ROR1: variants seen among roughly 807,000 people sequenced by gnomAD.
ROR1 encodes the protein ROR family WNT receptor 1.
In ROR1, 19 loss-of-function variants were observed where a neutral mutation model predicts 78.8. The ratio of observed to expected loss-of-function variants is 0.24; its 90% CI spans 0.17 to 0.35. The LOEUF is 0.35. Among genes scored for constraint, ROR1 ranks in the 10% least tolerant of loss-of-function variants. The probability of loss-of-function intolerance (pLI) is 1.00; values close to 1 mark genes in which losing one functional copy is unlikely to be tolerated. For synonymous variants in ROR1, 386 were observed against 433.6 expected (o/e 0.89, Z 1.36); for missense variants, 917 against 1,177.8 (o/e 0.78, Z 3.24).
intron 4 of ROR1, among the ~76,000 whole-genome samples, chr1:64,131,683 T>C (rs992164235): frequency 6.6e-6 from 1 of 152,190 alleles, no homozygotes; most frequent in Non-Finnish European, 1.5e-5. Context: ...GATGTGATCA[T>C]GGCTAACTAC....
chr1:64,119,970 T>C (rs556348951), intron 4 of ROR1, among the ~76,000 whole-genome samples: 1 of 152,318 alleles, frequency 6.6e-6, no homozygotes, highest in South Asian at 2.1e-4. Context: ...ATAAAAACTT[T>C]TAAGAAAAGG....
intron 1 of ROR1, among the ~76,000 whole-genome samples, chr1:63,817,606 TA>T (rs1459874001): frequency 3.9e-5 from 6 of 152,126 alleles, no homozygotes; most frequent in Admixed American, 1.3e-4. Context: ...CGATTGTCTT[TA>T]ATAAGAGGCC....
chr1:63,778,361 A>G (rs781063180), intron 1 of ROR1, among the ~76,000 whole-genome samples: 2 of 152,246 alleles, frequency 1.3e-5, no homozygotes, highest in Non-Finnish European at 2.9e-5. Context: ...CCTCTGAACG[A>G]TAGGAACTGC....
intron 1 of ROR1, among the ~76,000 whole-genome samples, chr1:63,955,340 G>C (rs928276620): frequency 6.6e-6 from 1 of 151,896 alleles, no homozygotes; most frequent in African/African-American, 2.4e-5. Flanking sequence ...TTTTTCTTTG[G>C]CAGTTTTTTT....
intron 1 of ROR1, among the ~76,000 whole-genome samples, chr1:63,935,239 T>C (rs1204098992): frequency 6.6e-6 from 1 of 152,032 alleles, no homozygotes; most frequent in Non-Finnish European, 1.5e-5. Context: ...GAAAACAGAA[T>C]GGAGGGAGCT....
At chr1:63,959,070 C>T (rs577190089) in intron 1 of ROR1, among the ~76,000 whole-genome samples, 1 of 152,300 alleles carries the variant, frequency 6.6e-6, no homozygotes, top group Non-Finnish European at 1.5e-5. Context: ...TTAATTGACT[C>T]ACAGTTCAGC....
chr1:64,139,129 T>C (rs1649220336), intron 5 of ROR1, among the ~76,000 whole-genome samples: 1 of 127,970 alleles, frequency 7.8e-6, no homozygotes, highest in Admixed American at 9.7e-5. Context: ...AGCGTAACCC[T>C]GCACTCCAGC....
intron 7 of ROR1, among the ~76,000 whole-genome samples, chr1:64,146,993 C>G (rs1649490994): frequency 6.6e-6 from 1 of 152,164 alleles, no homozygotes; most frequent in African/African-American, 2.4e-5. Context: ...GAGCTCTGAC[C>G]AAACTCAAAG....
intron 4 of ROR1, among the ~76,000 whole-genome samples, chr1:64,111,740 G>A (rs749813591): frequency 1.4e-4 from 21 of 152,204 alleles, no homozygotes; most frequent in Admixed American, 1.3e-4. Context: ...GGGAAAAAGT[G>A]GAATTAAATG....
intron 2 of ROR1, among the ~76,000 whole-genome samples, chr1:64,011,301 T>C (rs1158400276): frequency 1.3e-5 from 2 of 152,232 alleles, no homozygotes; most frequent in African/African-American, 4.8e-5. Flanking sequence ...ATTTATAGAA[T>C]ATGTTTAATG....
intron 1 of ROR1, among the ~76,000 whole-genome samples, chr1:63,794,025 G>GT (rs1454229340): frequency 6.6e-6 from 1 of 152,208 alleles, no homozygotes; most frequent in Non-Finnish European, 1.5e-5. Flanking sequence ...AAGGGCCCTG[G>GT]TTGCTGGGGA....
At chr1:63,871,363 T>A (rs1047425509) in intron 1 of ROR1, among the ~76,000 whole-genome samples, 2 of 152,180 alleles carry the variant, frequency 1.3e-5, no homozygotes, top group Non-Finnish European at 2.9e-5. Flanking sequence ...TAGCAAGTGC[T>A]TCAGTGAAAG....
intron 2 of ROR1, among the ~76,000 whole-genome samples, chr1:64,028,404 A>T (rs1646632880): frequency 6.6e-6 from 1 of 152,186 alleles, no homozygotes; most frequent in African/African-American, 2.4e-5. Flanking sequence ...GTATTACAGG[A>T]TGCATGGGCG....
intron 2 of ROR1, among the ~76,000 whole-genome samples, chr1:64,015,480 T>G (rs751683075): frequency 6.6e-6 from 1 of 152,134 alleles, no homozygotes; most frequent in Non-Finnish European, 1.5e-5. Flanking sequence ...TCAGGAGTGG[T>G]TTGCTCCCTC....
chr1:63,893,413 G>T (rs1409206504), intron 1 of ROR1, among the ~76,000 whole-genome samples: 1 of 151,986 alleles, frequency 6.6e-6, no homozygotes. Context: ...TAAAAGAGGG[G>T]GGTAAAAAAA....
chr1:64,180,896 A>G lies in ROR1; in HGVS notation c.*2041A>G, dbSNP rs1650529713. On this transcript the variant is annotated 3_prime_UTR_variant, in exon 9 of 9. Coordinates refer to ENST00000371079, the MANE Select transcript of ROR1 (RefSeq NM_005012.4). ...AAAAGTAAATTCAAGTTAGTTTTTT[A>G]TAAAGAACTATAACATTTATTTTAA... 1 of 152,164 alleles carries G rather than the reference A, an allele frequency of 6.6e-6. No homozygotes were observed. 9.4% of individuals were successfully genotyped at this position (152,164 alleles called of 1,614,324 possible). A position where few individuals can be genotyped will look rare whatever the true frequency, so the allele number is the denominator to read the frequency against.
intron 4 of ROR1, among the ~76,000 whole-genome samples, chr1:64,130,817 A>G (rs1648888112): frequency 6.6e-6 from 1 of 152,134 alleles, no homozygotes; most frequent in Non-Finnish European, 1.5e-5. Context: ...CCCCATTTTT[A>G]TTAAAAGCCA....
rs564519837 is a variant in ROR1, at chr1:64,078,330, A to C, written c.482+27614A>C. 2.0e-5 allele frequency among the ~76,000 whole-genome samples: 3 copies of C among 152,350 alleles called. No individual in the cohort carries two copies. In the South Asian group the frequency reaches 6.2e-4, roughly 32 times the overall value. On this transcript the variant is annotated intron_variant, in intron 4 of 8. Transcript: ENST00000371079. ...ATCATTGCGGGCACAGGAAACAAAAATGATCTGTTTGGAGAACTGCAGATC... is the reference window on the plus strand; with the variant it reads ...ATCATTGCGGGCACAGGAAACAAAACTGATCTGTTTGGAGAACTGCAGATC...
chr1:63,900,287 C>G (rs1367307041), intron 1 of ROR1, among the ~76,000 whole-genome samples: 4 of 151,976 alleles, frequency 2.6e-5, no homozygotes, highest in African/African-American at 9.7e-5. Flanking sequence ...AACCTTGTCT[C>G]TACTAAAAAT....
Sources: allele counts gnomAD v4.1 joint callset (sites outside exome capture counted in the v4.1 genomes callset), GRCh38; gene constraint gnomAD v4.1.1; transcripts MANE v1.5; gene names NCBI Gene and HGNC (gene_info 2026-07-23, HGNC 2026-07-21).